Variants in SLCO3A1 observed in about 807,000 individuals in gnomAD.
SLCO3A1 encodes the protein solute carrier organic anion transporter family member 3A1.
A neutral mutation model predicts 63.1 loss-of-function variants in SLCO3A1; 27 were observed. The ratio of observed to expected loss-of-function variants is 0.43; its 90% CI spans 0.32 to 0.59. The LOEUF is 0.59. SLCO3A1 is among the 20% of genes least tolerant of loss of function. The probability of loss-of-function intolerance (pLI) is 0.09; values close to 1 mark genes in which losing one functional copy is unlikely to be tolerated. For missense variants in SLCO3A1, 773 were observed against 945.8 expected, an observed-to-expected ratio of 0.82 and a Z score of 2.40; for synonymous variants, 473 against 409.9, an observed-to-expected ratio of 1.15 and a Z score of -1.86.
intron 7 of SLCO3A1, among the ~76,000 whole-genome samples, chr15:92,135,015 A>G (rs2048039382): frequency 6.6e-6 from 1 of 152,030 alleles, no homozygotes; most frequent in Non-Finnish European, 1.5e-5. Flanking sequence ...TTGGAGGGGG[A>G]GACGTGGCAA....
At chr15:92,059,302 T>G (rs917140822) in intron 2 of SLCO3A1, among the ~76,000 whole-genome samples, 2 of 152,228 alleles carry the variant, frequency 1.3e-5, no homozygotes, top group African/African-American at 4.8e-5. Context: ...GGGTGCCCTG[T>G]GGCTGGGCTG....
At chr15:91,904,210 G>A (rs1199847412) in intron 1 of SLCO3A1, among the ~76,000 whole-genome samples, 4 of 152,166 alleles carry the variant, frequency 2.6e-5, no homozygotes, top group Admixed American at 6.5e-5. Context: ...CTACTCCTGT[G>A]GTCAATTACA....
chr15:92,118,847 C>T (rs1052195926), intron 4 of SLCO3A1, among the ~76,000 whole-genome samples: 3 of 152,208 alleles, frequency 2.0e-5, no homozygotes, highest in South Asian at 2.1e-4. Flanking sequence ...TTTATGATCG[C>T]AGCAGCACAG....
At chr15:91,949,506 T>C (rs1381997679) in intron 2 of SLCO3A1, among the ~76,000 whole-genome samples, 3 of 152,026 alleles carry the variant, frequency 2.0e-5, no homozygotes, top group African/African-American at 7.3e-5. Context: ...GGTATGTACC[T>C]GTAATCCTAG....
intron 1 of SLCO3A1, among the ~76,000 whole-genome samples, chr15:91,878,181 G>A (rs1388196697): frequency 1.3e-5 from 2 of 151,030 alleles, no homozygotes; most frequent in Non-Finnish European, 2.9e-5. Flanking sequence ...TGCCTCCCGG[G>A]TTCAGGTGCT....
intron 1 of SLCO3A1, among the ~76,000 whole-genome samples, chr15:91,880,932 T>A (rs7165254): frequency 0.76 from 115,527 of 152,074 alleles, 44,981 homozygotes; most frequent in East Asian, 0.99. Context: ...TAAGGCCCAA[T>A]TTATTTAGAG....
At chr15:91,908,506 A>G (rs1898382163) in intron 1 of SLCO3A1, 1 of 152,078 alleles carries the variant, frequency 6.6e-6, no homozygotes, top group African/African-American at 2.4e-5. Context: ...CTGCAGATCT[A>G]GGATCCTGGA....
At chr15:92,091,066 A>T (rs1036954483) in intron 2 of SLCO3A1, among the ~76,000 whole-genome samples, 3 of 152,142 alleles carry the variant, frequency 2.0e-5, no homozygotes, top group East Asian at 3.9e-4. Flanking sequence ...AACCTGGGCA[A>T]TCCTTCCCAC....
intron 2 of SLCO3A1, among the ~76,000 whole-genome samples, chr15:91,971,077 G>C (rs1900841439): frequency 6.6e-6 from 1 of 152,066 alleles, no homozygotes; most frequent in Non-Finnish European, 1.5e-5. Context: ...GTTGCCTGAA[G>C]TGCCTGTTCC....
intron 2 of SLCO3A1, among the ~76,000 whole-genome samples, chr15:92,045,800 A>G (rs1339991801): frequency 6.6e-6 from 1 of 152,188 alleles, no homozygotes; most frequent in African/African-American, 2.4e-5. Flanking sequence ...CCTTTCTCAC[A>G]TAAGCCTTCA....
intron 2 of SLCO3A1, among the ~76,000 whole-genome samples, chr15:91,933,235 C>T (rs1347916771): frequency 1.3e-5 from 2 of 151,954 alleles, no homozygotes; most frequent in African/African-American, 2.4e-5. Flanking sequence ...ATTAAGTTTG[C>T]TTCATTTTGC....
Position 92,123,362 on chromosome 15 carries a change from G to A in SLCO3A1, c.1175-2699G>A, listed in dbSNP as rs192419973. Among the ~76,000 whole-genome samples, 44 of 152,200 alleles carry A rather than the reference G, an allele frequency of 2.9e-4. No individual in the cohort carries two copies. The East Asian group carries it at 7.9e-3, about 27-fold the overall frequency. On this transcript the variant is annotated intron_variant, in intron 5 of 9. Transcript: ENST00000318445. ...GTGGAGGTTGCAGTGAGCCGAGATCGCGCCATTGCACTCCAGCCTGGGGGA... is the reference window on the plus strand; with the variant it reads ...GTGGAGGTTGCAGTGAGCCGAGATCACGCCATTGCACTCCAGCCTGGGGGA...
chr15:92,167,052 T>C (rs968463403), downstream of SLCO3A1, among the ~76,000 whole-genome samples: 3 of 152,242 alleles, frequency 2.0e-5, no homozygotes, highest in South Asian at 2.1e-4. Context: ...TCTGTTGCAG[T>C]TGGACGGAGT....
At chr15:92,048,650 C>G (rs778923680) in intron 2 of SLCO3A1, among the ~76,000 whole-genome samples, 4 of 152,152 alleles carry the variant, frequency 2.6e-5, no homozygotes, top group Non-Finnish European at 5.9e-5. Context: ...TTAGGAACCA[C>G]TGCTTTGGGA....
chr15:92,041,452 T>C (rs1051711269), intron 2 of SLCO3A1, among the ~76,000 whole-genome samples: 6 of 152,148 alleles, frequency 3.9e-5, no homozygotes, highest in Non-Finnish European at 5.9e-5. Context: ...TCAGCTAATA[T>C]ACAGCAGAAG....
At chr15:92,080,269 A>T (rs1298365364) in intron 2 of SLCO3A1, among the ~76,000 whole-genome samples, 1 of 152,156 alleles carries the variant, frequency 6.6e-6, no homozygotes, top group African/African-American at 2.4e-5. Flanking sequence ...AGTTCAACAC[A>T]CACGGAGTCC....
At chr15:92,105,682 C>T (rs79253574) in intron 4 of SLCO3A1, among the ~76,000 whole-genome samples, 2,674 of 152,252 alleles carry the variant, frequency 0.018, 78 homozygotes, top group African/African-American at 0.061. Flanking sequence ...GCTCCCCTGA[C>T]GTCCTGCTGG....
chr15:92,149,859 T>TGTCTC (rs1387775266), intron 8 of SLCO3A1: 1 of 152,256 alleles, frequency 6.6e-6, no homozygotes, highest in Non-Finnish European at 1.5e-5. Flanking sequence ...AAGGAGAATT[T>TGTCTC]GTCTCTATTT....
chr15:92,151,956 C>CCTACTGCG (rs2048311199), intron 9 of SLCO3A1, among the ~76,000 whole-genome samples: 2 of 152,306 alleles, frequency 1.3e-5, no homozygotes, highest in East Asian at 3.9e-4. Context: ...TTAGTTAAAT[C>CCTACTGCG]AGTTATGGTC....
Sources: gnomAD v4.1 joint callset for allele counts (sites outside exome capture counted in the v4.1 genomes callset) on GRCh38, gnomAD v4.1.1 for gene constraint, MANE v1.5 for transcripts, NCBI Gene and HGNC (gene_info 2026-07-23, HGNC 2026-07-21) for gene names.